Variants in BRSK2 observed in about 807,000 individuals in gnomAD.
The protein encoded by BRSK2 is BR serine/threonine kinase 2, also known as serine/threonine-protein kinase BRSK2.
In BRSK2, 19 loss-of-function variants were observed where a neutral mutation model predicts 83.3. The ratio of observed to expected loss-of-function variants is 0.23; its 90% CI spans 0.16 to 0.33. The LOEUF (loss-of-function observed/expected upper bound fraction) is 0.33. Among genes scored for constraint, BRSK2 ranks in the 10% least tolerant of loss-of-function variants. The pLI is 1.00. For synonymous variants in BRSK2, 519 were observed against 435.4 expected (o/e 1.19, Z -2.39); for missense variants, 798 against 1,042.3 (o/e 0.77, Z 3.23).
At chr11:1,413,350 G>A (rs937284625) in intron 1 of BRSK2, among the ~76,000 whole-genome samples, 10 of 152,104 alleles carry the variant, frequency 6.6e-5, no homozygotes, top group Non-Finnish European at 1.5e-4. Context: ...AGGGGCCACG[G>A]GGAGACTCAC....
At chr11:1,397,229 C>T (rs559595379) in intron 1 of BRSK2, among the ~76,000 whole-genome samples, 24 of 152,328 alleles carry the variant, frequency 1.6e-4, no homozygotes, top group East Asian at 5.8e-4. Context: ...CAGGGATGTC[C>T]GCCGGGCCAG....
intron 3 of BRSK2, 84 bp from the exon 4 acceptor site, chr11:1,440,704 A>G: frequency 6.7e-7 from 1 of 1,486,426 alleles, no homozygotes; most frequent in Non-Finnish European, 9.0e-7. Flanking sequence ...AGGCTGGGCC[A>G]GGAGGCGGCT....
intron 1 of BRSK2, among the ~76,000 whole-genome samples, chr11:1,417,867 C>G (rs1212784965): frequency 2.7e-5 from 4 of 145,576 alleles, no homozygotes; most frequent in African/African-American, 5.2e-5. Flanking sequence ...TCACCTGTGT[C>G]CTGCTTCTGT....
chr11:1,411,403 C>G, intron 1 of BRSK2: 1 of 1,464,156 alleles, frequency 6.8e-7, no homozygotes, highest in Non-Finnish European at 8.9e-7. Context: ...CAGCCTCACC[C>G]CATGAGCCCT....
At chr11:1,392,711 C>A (rs900913124) in intron 1 of BRSK2, among the ~76,000 whole-genome samples, 1 of 152,200 alleles carries the variant, frequency 6.6e-6, no homozygotes, top group African/African-American at 2.4e-5. Flanking sequence ...TGGAGGACGC[C>A]CTTCTAGACG....
At chr11:1,450,907 G>A (rs1211726960) in intron 14 of BRSK2, 113 bp downstream of exon 14, 2 of 1,089,362 alleles carry the variant, frequency 1.8e-6, no homozygotes, top group Non-Finnish European at 2.6e-6. Flanking sequence ...AGCTGCAGGG[G>A]TGGCCTGGGC....
intron 18 of BRSK2, 37 bp from the exon 19 acceptor site, chr11:1,459,151 TTCAC>T (rs746159568): frequency 3.1e-6 from 5 of 1,606,800 alleles, no homozygotes; most frequent in Non-Finnish European, 4.3e-6. Flanking sequence ...AGGACAGCCT[TTCAC>T]TCACTCCCTC....
At chr11:1,433,695 G>T (rs1336935922) in intron 1 of BRSK2, among the ~76,000 whole-genome samples, 1 of 152,268 alleles carries the variant, frequency 6.6e-6, no homozygotes. Flanking sequence ...CTGGATTATG[G>T]ATGAAGGGCT....
intron 1 of BRSK2, chr11:1,411,613 G>C (rs760019555): frequency 5.2e-5 from 82 of 1,565,022 alleles, no homozygotes; most frequent in Non-Finnish European, 6.7e-5. Flanking sequence ...ACCTGGCTCT[G>C]CCTGCAGCCC....
chr11:1,450,479 C>T, intron 13 of BRSK2, 108 bp from the exon 14 acceptor site: 2 of 612,020 alleles, frequency 3.3e-6, no homozygotes, highest in South Asian at 2.1e-5. Flanking sequence ...CGCCACTGGC[C>T]TTTGTCCCCA....
intron 1 of BRSK2, among the ~76,000 whole-genome samples, chr11:1,412,679 CCTTTA>C (rs1847652988): frequency 1.3e-5 from 2 of 152,202 alleles, no homozygotes; most frequent in South Asian, 4.1e-4. Flanking sequence ...TGTGGGAAAA[CCTTTA>C]CTGAGCCAGG....
At chr11:1,406,145 C>T (rs1846862057) in intron 1 of BRSK2, among the ~76,000 whole-genome samples, 1 of 152,198 alleles carries the variant, frequency 6.6e-6, no homozygotes, top group South Asian at 2.1e-4. Flanking sequence ...TGGCCTTCCT[C>T]TCCCTGCCCA....
At chr11:1,402,967 G>A (rs1198992180) in intron 1 of BRSK2, among the ~76,000 whole-genome samples, 1 of 152,122 alleles carries the variant, frequency 6.6e-6, no homozygotes, top group Non-Finnish European at 1.5e-5. Flanking sequence ...GCACAGATGA[G>A]CGCCCTCTCC....
chr11:1,417,400 G>A (rs1024012208), intron 1 of BRSK2, among the ~76,000 whole-genome samples: 2 of 152,166 alleles, frequency 1.3e-5, no homozygotes, highest in African/African-American at 2.4e-5. Flanking sequence ...AATTAATTTC[G>A]TTCATCTTTT....
Position 1,450,637 on chromosome 11 carries a change from G to T in BRSK2, c.1338G>T (p.Gly446=). 6.2e-7 allele frequency: 1 copy of T among 1,605,632 alleles called. No individual in the cohort carries two copies. The highest frequency in any genetic ancestry group is 1.7e-4 in the Middle Eastern group (1 of 6,024). Residue 446 remains glycine (G), a synonymous_variant, in exon 14 of 20, where the codon GGG becomes GGT. Transcript: ENST00000528841. Reference sequence around the variant, plus strand: ...GCAGTCCCCTCCCCACCCCCAAGGGGACACCTGTCCACACGCCAAAGGAGA... The same window carrying T: ...GCAGTCCCCTCCCCACCCCCAAGGGTACACCTGTCCACACGCCAAAGGAGA... ...PRGSPLPTPK[G]TPVHTPKESP... is the part of the protein sequence containing the mutation.
chr11:1,459,760 C>T (rs1847174832), intron 19 of BRSK2, among the ~76,000 whole-genome samples: 1 of 152,232 alleles, frequency 6.6e-6, no homozygotes, highest in African/African-American at 2.4e-5. Context: ...GGACTGCCCC[C>T]ATCCCAGGGA....
Position 1,450,693 on chromosome 11 carries a change from C to T in BRSK2, c.1394C>T (p.Pro465Leu), listed in dbSNP as rs1387186797. 6.2e-6 allele frequency: 10 copies of T among 1,608,944 alleles called. No individual in the cohort carries two copies. Among genetic ancestry groups the T allele is most frequent in the Admixed American group, 1.7e-5 (1 of 59,236 alleles). Reference sequence around the variant, plus strand: ...GCTGGCACGCCCAACCCCACGCCCCCGTCCAGCCCCAGCGTCGGAGGGGTG... The same window carrying T: ...GCTGGCACGCCCAACCCCACGCCCCTGTCCAGCCCCAGCGTCGGAGGGGTG... ...SPAGTPNPTP[P>L]SSPSVGGVPW... Residue 465 changes from proline (P) to leucine (L), a missense_variant, in exon 14 of 20, where the codon CCG becomes CTG. Physicochemically the swap from Pro to Leu is moderately conservative, Grantham distance 98 (BLOSUM62 -3). This residue lies in a region of BRSK2 where 455 missense variants were observed against 455.2 expected (regional missense o/e 1.00). Coordinates refer to ENST00000528841, the MANE Select transcript of BRSK2 (RefSeq NM_001256627.2).
chr11:1,460,866 T>A lies in BRSK2; in HGVS notation c.*143T>A. On this transcript the variant is annotated 3_prime_UTR_variant, in exon 20 of 20. Transcript: ENST00000528841. ...GCCTGGGAGGAAAGGAAAGGGGCGT[T>A]GGGGCCGGCCTGTGGGCTGCGCCAC... is the stretch of plus-strand genomic sequence containing the variant. The A allele has an allele frequency of 1.9e-6, 3 of 1,574,748 alleles. No individual in the cohort carries two copies. The highest frequency in any genetic ancestry group is 1.7e-6 in the Non-Finnish European group (2 of 1,162,110).
At chr11:1,435,946 G>A in intron 1 of BRSK2, 94 bp from the exon 2 acceptor site, 1 of 914,596 alleles carries the variant, frequency 1.1e-6, no homozygotes, top group Non-Finnish European at 1.7e-6. Context: ...TGCTGTCCAG[G>A]ACGTGGGAGG....
Sources: allele counts gnomAD v4.1 joint callset (sites outside exome capture counted in the v4.1 genomes callset), GRCh38; gene constraint gnomAD v4.1.1; regional missense constraint gnomAD v4.1.1; transcripts MANE v1.5; gene names NCBI Gene and HGNC (gene_info 2026-07-23, HGNC 2026-07-21).